The following XKR7 variants were observed in gnomAD, a reference collection of about 807,000 sequenced individuals.
XKR7 encodes XK-related protein 7.
Under a neutral mutation model 42.2 loss-of-function variants are expected in XKR7, and 11 were observed. That is an observed-to-expected ratio of 0.26 (90% CI 0.16 to 0.43). The LOEUF (loss-of-function observed/expected upper bound fraction) is 0.43, where lower values mean the gene tolerates loss of function less well. XKR7 is among the 20% of genes least tolerant of loss of function. The pLI, the probability that XKR7 is intolerant of heterozygous loss-of-function variation, is 1.00. For missense variants in XKR7, 710 were observed against 802.2 expected (o/e 0.89, Z 1.39); for synonymous variants, 346 against 366.4 (o/e 0.94, Z 0.64).
In XKR7 at chr20:31,993,111, C is replaced by CACACACACACACACACAT. The variant is rs144007726; in HGVS notation, c.585-1952_585-1951insCACACACACACATACACA. Among the ~76,000 whole-genome samples the CACACACACACACACACAT allele has an allele frequency of 1.1e-3, 164 of 150,686 alleles. 1 individual carries two copies. Among genetic ancestry groups the CACACACACACACACACAT allele is most frequent in the African/African-American group, 3.7e-3 (150 of 40,628 alleles). On this transcript the variant is annotated intron_variant, in intron 1 of 2. Coordinates refer to ENST00000562532, the MANE Select transcript of XKR7 (RefSeq NM_001011718.2). Reference sequence around the variant, plus strand: ...CTCCACACACACACACACACACACACACACATACACATACACACACACACC... The same window carrying CACACACACACACACACAT: ...CTCCACACACACACACACACACACACACACACACACACACACATACACATACACATACACACACACACC...
chr20:31,990,307 A>G (rs1034084421), intron 1 of XKR7, among the ~76,000 whole-genome samples: 6 of 152,058 alleles, frequency 3.9e-5, no homozygotes, highest in Admixed American at 3.9e-4. Flanking sequence ...TTGGGATTAC[A>G]GGTGTGAGCC....
Position 31,968,858 on chromosome 20 carries a change from TC to T in XKR7, c.584+101del. ...CTGATCTGACCTTTCCGGGCTACCC[TC>T]CTGTCCTGACCTCCCCCCCTCCCCA... On this transcript the variant is annotated intron_variant, in intron 1 of 2. Coordinates refer to ENST00000562532, the MANE Select transcript of XKR7 (RefSeq NM_001011718.2). This position sits in a 1 kb window ranked among gnomAD's most constrained non-coding sequence, Gnocchi z 4.5. The T allele has an allele frequency of 7.0e-7, 1 of 1,421,180 alleles. No individual in the cohort carries two copies. Among genetic ancestry groups the T allele is most frequent in the Non-Finnish European group, 9.2e-7 (1 of 1,089,190 alleles). 88.0% of individuals were successfully genotyped at this position (1,421,180 alleles called of 1,614,324 possible). A position where few individuals can be genotyped will look rare whatever the true frequency, so the allele number is the denominator to read the frequency against.
intron 1 of XKR7, among the ~76,000 whole-genome samples, chr20:31,988,984 G>A (rs1250398509): frequency 6.6e-6 from 1 of 152,182 alleles, no homozygotes; most frequent in African/African-American, 2.4e-5. Flanking sequence ...AGGCACTGAT[G>A]CTGGGGACAC....
Position 31,997,509 on chromosome 20 carries a change from C to G in XKR7, c.*52C>G, listed in dbSNP as rs778939074. The G allele has an allele frequency of 6.6e-7, 1 of 1,504,460 alleles. No individual in the cohort carries two copies. Among genetic ancestry groups the G allele is most frequent in the East Asian group, 2.3e-5 (1 of 43,534 alleles). The allele number at this position is 1,504,460 out of a possible 1,614,324, so 93.2% of individuals were successfully genotyped here. ...CAGGCTTGGCTGATCCCACATCCGC[C>G]GCAGTGTTGTGCCCCGAATTTCAGG... On this transcript the variant is annotated 3_prime_UTR_variant, in exon 3 of 3. Coordinates refer to ENST00000562532, the MANE Select transcript of XKR7 (RefSeq NM_001011718.2).
rs1263307847 is a variant in XKR7 at position 31,995,223 on chromosome 20, A to G, written c.740A>G (p.Gln247Arg). 1.9e-6 allele frequency: 3 copies of G among 1,543,948 alleles called. No homozygotes were observed. The highest frequency in any genetic ancestry group is 1.4e-5 in the African/African-American group (1 of 72,870). ...FLRSAPQLVL[Q>R]LSLLVHRGGA... ...CGCAGCGCGCCGCAGCTAGTGCTGC[A>G]GCTCAGCCTGCTGGTGCACCGCGGT... The change falls in exon 2 of 3, where the codon CAG becomes CGG. Residue 247 changes from glutamine (Q) to arginine (R), a missense_variant. This residue lies in a region of XKR7 where 708 missense variants were observed against 786.2 expected (regional missense o/e 0.90). Coordinates refer to ENST00000562532, the MANE Select transcript of XKR7 (RefSeq NM_001011718.2). This position sits in a 1 kb window ranked among gnomAD's most constrained non-coding sequence, Gnocchi z 4.1.
chr20:31,997,671 A>G lies in XKR7; in HGVS notation c.*214A>G, dbSNP rs76400543. ...TTTTCAGCCTTGTGGCCCATTCCCT[A>G]AATTCCCCTGACCCAGGGCCTGGGG... is the stretch of plus-strand genomic sequence containing the variant. On this transcript the variant is annotated 3_prime_UTR_variant, in exon 3 of 3. Coordinates refer to ENST00000562532, the MANE Select transcript of XKR7 (RefSeq NM_001011718.2). The G allele has an allele frequency of 3.2e-5, 18 of 560,016 alleles. No homozygotes were observed. The East Asian group carries it at 5.0e-4, about 16-fold the overall frequency. 34.7% of individuals were successfully genotyped at this position (560,016 alleles called of 1,614,324 possible).
chr20:31,980,010 T>C (rs1308113161), intron 1 of XKR7, among the ~76,000 whole-genome samples: 5 of 151,908 alleles, frequency 3.3e-5, no homozygotes, highest in Admixed American at 2.6e-4. Context: ...TGCCCATTCC[T>C]CTGCTGTGCA....
rs1418024466 is a variant in XKR7, at chr20:32,001,314, AGAGT to A, written c.*3863_*3866del. On this transcript the variant is annotated 3_prime_UTR_variant, in exon 3 of 3. Transcript: ENST00000562532. ...AGTGTTGGGGACTCTGGCAGACAGG[AGAGT>A]GAGTGTGTGCCCTGCCTGTAGGTAC... The A allele has an allele frequency of 1.3e-5, 2 of 152,190 alleles. No homozygotes were observed. The highest frequency in any genetic ancestry group is 1.9e-4 in the East Asian group (1 of 5,188). 9.4% of individuals were successfully genotyped at this position (152,190 alleles called of 1,614,324 possible).
In XKR7 at chr20:31,968,532, C is replaced by A; in HGVS notation, c.357C>A (p.Pro119=). The change falls in exon 1 of 3, where the codon CCC becomes CCA. Residue 119 remains proline (P), a synonymous_variant. Transcript: ENST00000562532. The surrounding 1 kb of genome is among the most constrained non-coding windows in gnomAD (Gnocchi z 4.5). ...FRWFVYDYSE[P]AGSPGPAVST... Reference sequence around the variant, plus strand: ...GGTTCGTCTACGACTACTCGGAGCCCGCAGGGTCCCCGGGACCCGCCGTCA... The same window carrying A: ...GGTTCGTCTACGACTACTCGGAGCCAGCAGGGTCCCCGGGACCCGCCGTCA... 6.2e-7 allele frequency: 1 copy of A among 1,608,464 alleles called. No individual in the cohort carries two copies. Among genetic ancestry groups the A allele is most frequent in the Non-Finnish European group, 8.5e-7 (1 of 1,177,712 alleles).
In XKR7 at chr20:31,993,582, A is replaced by C. The variant is rs370453767; in HGVS notation, c.585-1486A>C. 9.2e-5 allele frequency among the ~76,000 whole-genome samples: 14 copies of C among 152,242 alleles called. No homozygotes were observed. The East Asian group carries it at 2.7e-3, about 29-fold the overall frequency. The stretch of plus-strand genomic sequence containing the variant: ...TTCAACAAGCCTGCAGTCGTGTTTC[A>C]TTCATTCAGCCCATATAGATTAAGC... On this transcript the variant is annotated intron_variant, in intron 1 of 2. Transcript: ENST00000562532.
Position 31,996,632 on chromosome 20 carries a change from G to A in XKR7, c.915G>A (p.Trp305Ter). 1 of 1,586,822 alleles carries A rather than the reference G, an allele frequency of 6.3e-7. No individual in the cohort carries two copies. Among genetic ancestry groups the A allele is most frequent in the Non-Finnish European group, 8.6e-7 (1 of 1,165,060 alleles). ...AGGGCGCCGTGGCACAGGTGCTGTG[G>A]CACCTGTTCAGCATTGCCGCCCGCG... ...SYKGAVAQVL[W>*]HLFSIAARGL... The change falls in exon 3 of 3, where the codon TGG becomes TGA. Residue 305 changes from tryptophan (W) to a stop codon, truncating the protein, a stop_gained. Transcript: ENST00000562532. LOFTEE classifies it high-confidence loss of function.
chr20:32,002,488 A>G lies in XKR7; in HGVS notation c.*5031A>G, dbSNP rs1450062895. The G allele has an allele frequency of 6.6e-6, 1 of 152,088 alleles. No individual in the cohort carries two copies. The allele number at this position is 152,088 out of a possible 1,614,324, so 9.4% of individuals were successfully genotyped here. A position where few individuals can be genotyped will look rare whatever the true frequency, so the allele number is the denominator to read the frequency against. ...TCCCTGGTCTCCATTGTGCTAAACC[A>G]CCGAACTTGGAGGAGCCTCATATAA... On this transcript the variant is annotated 3_prime_UTR_variant, in exon 3 of 3. Coordinates refer to ENST00000562532, the MANE Select transcript of XKR7 (RefSeq NM_001011718.2).
Position 31,999,043 on chromosome 20 carries a change from C to CT in XKR7, c.*1586_*1587insT, listed in dbSNP as rs2064611364. On this transcript the variant is annotated 3_prime_UTR_variant, in exon 3 of 3. Transcript: ENST00000562532. ...GAACCCAACCCACCCCCCACCCCCC[C>CT]ACACACACACTCCCACAGCAACTTA... 3.5e-5 allele frequency: 5 copies of CT among 144,124 alleles called. No homozygotes were observed. The East Asian group carries it at 9.4e-4, about 27-fold the overall frequency. 8.9% of individuals were successfully genotyped at this position (144,124 alleles called of 1,614,324 possible).
intron 1 of XKR7, among the ~76,000 whole-genome samples, chr20:31,979,907 G>A (rs2064503558): frequency 6.6e-6 from 1 of 152,092 alleles, no homozygotes; most frequent in South Asian, 2.1e-4. Context: ...GGGAAACTGA[G>A]GTCCAGAGAG....
At position 31,998,528 on chromosome 20, in the gene XKR7, G is replaced by A; in HGVS notation, c.*1071G>A. 1 of 152,394 alleles carries A rather than the reference G, an allele frequency of 6.6e-6. No homozygotes were observed. The highest frequency in any genetic ancestry group is 1.5e-5 in the Non-Finnish European group (1 of 68,098). The allele number at this position is 152,394 out of a possible 1,614,324, so 9.4% of individuals were successfully genotyped here. A position where few individuals can be genotyped will look rare whatever the true frequency, so the allele number is the denominator to read the frequency against. On this transcript the variant is annotated 3_prime_UTR_variant, in exon 3 of 3. Coordinates refer to ENST00000562532, the MANE Select transcript of XKR7 (RefSeq NM_001011718.2). ...TGCTGCTCTGCTGTGGGGGATTCTA[G>A]CACCTGTCACAGTGGTGGGGGAGAA...
At chr20:31,979,095 A>T (rs1006735250) in intron 1 of XKR7, among the ~76,000 whole-genome samples, 5 of 151,542 alleles carry the variant, frequency 3.3e-5, no homozygotes, top group African/African-American at 1.2e-4. Context: ...AGATCACACC[A>T]CTGTACTCCA....
chr20:31,994,305 A>C (rs1027361786), intron 1 of XKR7, among the ~76,000 whole-genome samples: 1 of 152,230 alleles, frequency 6.6e-6, no homozygotes, highest in East Asian at 1.9e-4. Flanking sequence ...TAATGGTTAG[A>C]GTGCCGGCCC....
chr20:31,972,968 C>G (rs1179013159), intron 1 of XKR7, among the ~76,000 whole-genome samples: 1 of 152,194 alleles, frequency 6.6e-6, no homozygotes, highest in Non-Finnish European at 1.5e-5. Context: ...TTCAAGTGTC[C>G]TCAGTTTAAA....
intron 1 of XKR7, among the ~76,000 whole-genome samples, chr20:31,990,184 G>A (rs1006341791): frequency 5.5e-5 from 8 of 146,758 alleles, no homozygotes; most frequent in Admixed American, 6.7e-5. Context: ...CATTGCGTGT[G>A]TGTGTGTGTG....
Sources: allele counts gnomAD v4.1 joint callset (sites outside exome capture counted in the v4.1 genomes callset), GRCh38; gene constraint gnomAD v4.1.1; regional missense constraint gnomAD v4.1.1; non-coding constraint Gnocchi (gnomAD v3.1); transcripts MANE v1.5; gene names NCBI Gene and HGNC (gene_info 2026-07-23, HGNC 2026-07-21).